ALG6: variants seen among roughly 807,000 people sequenced by gnomAD.
ALG6 encodes ALG6 alpha-1,3-glucosyltransferase, also known as dolichyl pyrophosphate Man9GlcNAc2 alpha-1,3-glucosyltransferase.
A neutral mutation model predicts 66.6 loss-of-function variants in ALG6; 46 were observed. That is an observed-to-expected ratio of 0.69 (90% CI 0.55 to 0.88). The LOEUF is 0.88. Ranked by LOEUF, ALG6 falls within the 40% of genes least tolerant of loss-of-function variation. The pLI is 0.00. For synonymous variants in ALG6, 185 were observed against 203.7 expected (o/e 0.91, Z 0.78); for missense variants, 505 against 586.8 (o/e 0.86, Z 1.44).
In ALG6 at chr1:63,385,184, C is replaced by CTT. The variant is rs1165046824; in HGVS notation, c.83-11297_83-11296dup. On this transcript the variant is annotated intron_variant, in intron 2 of 14. Coordinates refer to ENST00000263440, the MANE Select transcript of ALG6 (RefSeq NM_013339.4). ...TTTTTATTAAGATCTTTTACTTCTT[C>CTT]TTTTTTTTTTTTTTTTTTTTTTTTT... Among the ~76,000 whole-genome samples the CTT allele has an allele frequency of 4.6e-3, 269 of 58,710 alleles. 9 individuals carry two copies. Among genetic ancestry groups the CTT allele is most frequent in the Non-Finnish European group, 6.2e-3 (191 of 30,694 alleles). 38.5% of individuals were successfully genotyped at this position (58,710 alleles called of 152,430 possible).
At position 63,370,864 on chromosome 1, in the gene ALG6, C is replaced by A; in HGVS notation, c.-114C>A. On this transcript the variant is annotated 5_prime_UTR_variant, in exon 2 of 15. Transcript: ENST00000263440. Reference sequence around the variant, plus strand: ...ACTCCTAATTGCGAAGAATCGATAACATTTCAAGAAGTGATAACATTTCTC... The same window carrying A: ...ACTCCTAATTGCGAAGAATCGATAAAATTTCAAGAAGTGATAACATTTCTC... 1 of 775,812 alleles carries A rather than the reference C, an allele frequency of 1.3e-6. No homozygotes were observed. Among genetic ancestry groups the A allele is most frequent in the Non-Finnish European group, 2.3e-6 (1 of 427,250 alleles). The allele number at this position is 775,812 out of a possible 1,614,324, so 48.1% of individuals were successfully genotyped here.
chr1:63,391,838 T>A lies in ALG6; in HGVS notation c.83-4675T>A, dbSNP rs540375039. ...TTTTCAGAGACCTAAAAATATTGAATAAATACTGTTTGTTGCTTTTAAACA... is the reference window on the plus strand; with the variant it reads ...TTTTCAGAGACCTAAAAATATTGAAAAAATACTGTTTGTTGCTTTTAAACA... On this transcript the variant is annotated intron_variant, in intron 2 of 14. Coordinates refer to ENST00000263440, the MANE Select transcript of ALG6 (RefSeq NM_013339.4). Among the ~76,000 whole-genome samples, 4 of 152,350 alleles carry A rather than the reference T, an allele frequency of 2.6e-5. No individual in the cohort carries two copies. The South Asian group carries it at 8.3e-4, about 32-fold the overall frequency.
chr1:63,428,792 C>A lies in ALG6; in HGVS notation c.1118C>A (p.Ser373Ter). 6.2e-7 allele frequency: 1 copy of A among 1,608,324 alleles called. No individual in the cohort carries two copies. The highest frequency in any genetic ancestry group is 1.1e-5 in the South Asian group (1 of 90,352). Residue 373 changes from serine (S) to a stop codon, truncating the protein, a stop_gained, in exon 13 of 15, where the codon TCA becomes TAA. Coordinates refer to ENST00000263440, the MANE Select transcript of ALG6 (RefSeq NM_013339.4). LOFTEE classifies it high-confidence loss of function. ...ATGTCTACTTGGTTTTTACTTGTGT[C>A]AACATTTAGGTAAGTCATATCAATT... ...PFMSTWFLLV[S>*]TFSMLPLLLK...
intron 2 of ALG6, among the ~76,000 whole-genome samples, chr1:63,376,211 G>T (rs1325686317): frequency 6.6e-6 from 1 of 152,134 alleles, no homozygotes; most frequent in Admixed American, 6.5e-5. Context: ...ACATGTTACT[G>T]TACTGAATAC....
At chr1:63,431,330 T>C (rs1644644143) in intron 14 of ALG6, among the ~76,000 whole-genome samples, 2 of 152,252 alleles carry the variant, frequency 1.3e-5, no homozygotes, top group Admixed American at 1.3e-4. Flanking sequence ...TATTTTCATA[T>C]TATTTTTAGA....
At chr1:63,404,568 A>G in intron 5 of ALG6, 27 bp downstream of exon 5, 1 of 1,605,046 alleles carries the variant, frequency 6.2e-7, no homozygotes, top group Non-Finnish European at 8.5e-7. Flanking sequence ...TAGTGAATAT[A>G]AAATTTGATT....
rs764709610 is a variant in ALG6, at chr1:63,400,331, ATATACG to A, written c.168-1918_168-1913del. Among the ~76,000 whole-genome samples, 82 of 19,172 alleles carry A rather than the reference ATATACG, an allele frequency of 4.3e-3. 21 individuals carry two copies. Among genetic ancestry groups the A allele is most frequent in the East Asian group, 0.03 (15 of 504 alleles). 12.6% of individuals were successfully genotyped at this position (19,172 alleles called of 152,430 possible). ...TGTATATATATATACGTATATATAT[ATATACG>A]TATATATATATGTATATATATATGT... is the stretch of plus-strand genomic sequence containing the variant. On this transcript the variant is annotated intron_variant, in intron 3 of 14. Transcript: ENST00000263440.
intron 10 of ALG6, 136 bp from the exon 11 acceptor site, chr1:63,415,737 T>C (rs1188771253): frequency 1.8e-6 from 1 of 556,500 alleles, no homozygotes; most frequent in South Asian, 2.8e-5. Context: ...TTAAATTTAA[T>C]AAATAAAAAT....
intron 3 of ALG6, among the ~76,000 whole-genome samples, chr1:63,399,861 C>A (rs1205089457): frequency 6.6e-6 from 1 of 151,752 alleles, no homozygotes; most frequent in African/African-American, 2.4e-5. Context: ...AAATACATTT[C>A]AATGTATAAA....
intron 1 of ALG6, among the ~76,000 whole-genome samples, chr1:63,369,792 G>A (rs1292156753): frequency 6.6e-6 from 1 of 151,960 alleles, no homozygotes. Context: ...AAGAGAAGAG[G>A]AAAATGTCAA....
At position 63,397,109 on chromosome 1, in the gene ALG6, G is replaced by A. The variant is rs535045003; in HGVS notation, c.167+512G>A. ...TCCTTTTGATTCACCTTTGAATACC[G>A]TGCATCTAGTATAGGGCATGGCACA... On this transcript the variant is annotated intron_variant, in intron 3 of 14. Transcript: ENST00000263440. Among the ~76,000 whole-genome samples, 33 of 152,002 alleles carry A rather than the reference G, an allele frequency of 2.2e-4. No homozygotes were observed. In the East Asian group the frequency reaches 2.9e-3, roughly 13 times the overall value.
intron 2 of ALG6, among the ~76,000 whole-genome samples, chr1:63,379,855 C>A (rs1648248821): frequency 6.6e-6 from 1 of 150,838 alleles, no homozygotes; most frequent in Non-Finnish European, 1.5e-5. Flanking sequence ...TGTTTTTGGA[C>A]CCTTTGTCTG....
At chr1:63,383,415 G>T (rs755039291) in intron 2 of ALG6, among the ~76,000 whole-genome samples, 2 of 151,950 alleles carry the variant, frequency 1.3e-5, no homozygotes, top group African/African-American at 4.8e-5. Context: ...ACCGTGCCTG[G>T]CCATTATTTT....
chr1:63,378,840 T>C (rs1648214016), intron 2 of ALG6, among the ~76,000 whole-genome samples: 1 of 151,402 alleles, frequency 6.6e-6, no homozygotes, highest in African/African-American at 2.4e-5. Flanking sequence ...TGTTCATTAG[T>C]TTTTAGCTGT....
chr1:63,422,222 T>TGTAG (rs1644582543), intron 12 of ALG6, among the ~76,000 whole-genome samples: 1 of 57,460 alleles, frequency 1.7e-5, no homozygotes, highest in Non-Finnish European at 2.8e-5. Flanking sequence ...TATATATTTA[T>TGTAG]ATAAATATAA....
chr1:63,404,942 A>T (rs1429708514), intron 5 of ALG6, among the ~76,000 whole-genome samples: 1 of 152,098 alleles, frequency 6.6e-6, no homozygotes. Flanking sequence ...TCTTAAAGCA[A>T]ACCTTGCAGT....
intron 2 of ALG6, among the ~76,000 whole-genome samples, chr1:63,372,193 G>A (rs191462763): frequency 6.4e-4 from 97 of 152,280 alleles, no homozygotes; most frequent in Non-Finnish European, 1.1e-3. Flanking sequence ...GGAACAAAAA[G>A]GATGAGGAGA....
chr1:63,430,088 G>A (rs946174540), intron 14 of ALG6, among the ~76,000 whole-genome samples: 3 of 152,036 alleles, frequency 2.0e-5, no homozygotes, highest in Non-Finnish European at 2.9e-5. Context: ...TCAGTATGTC[G>A]GCCAAGCTGT....
intron 14 of ALG6, among the ~76,000 whole-genome samples, chr1:63,430,761 T>G (rs1277304848): frequency 6.6e-6 from 1 of 152,150 alleles, no homozygotes. Context: ...GTTGTAAGAG[T>G]TTTTTTAATA....
Sources: gnomAD v4.1 joint callset for allele counts (sites outside exome capture counted in the v4.1 genomes callset) on GRCh38, gnomAD v4.1.1 for gene constraint, MANE v1.5 for transcripts, NCBI Gene and HGNC (gene_info 2026-07-23, HGNC 2026-07-21) for gene names.